TAF4B: variants seen among roughly 807,000 people sequenced by gnomAD.
The protein encoded by TAF4B is transcription initiation factor TFIID subunit 4B.
In TAF4B, 38 loss-of-function variants were observed where a neutral mutation model predicts 86.4. That is an observed-to-expected ratio of 0.44 (90% CI 0.34 to 0.58). The LOEUF is 0.58. Ranked by LOEUF, TAF4B falls within the 20% of genes least tolerant of loss-of-function variation. The probability of loss-of-function intolerance (pLI) is 0.02; values close to 1 mark genes in which losing one functional copy is unlikely to be tolerated. For synonymous variants in TAF4B, 388 were observed against 391.2 expected, an observed-to-expected ratio of 0.99 and a Z score of 0.10; for missense variants, 988 against 1,027.6, an observed-to-expected ratio of 0.96 and a Z score of 0.53.
chr18:26,260,489 T>G (rs2056148514), intron 1 of TAF4B, among the ~76,000 whole-genome samples: 1 of 152,204 alleles, frequency 6.6e-6, no homozygotes, highest in African/African-American at 2.4e-5. Context: ...CAGTTTCAGC[T>G]TTCTACATAT....
intron 1 of TAF4B, among the ~76,000 whole-genome samples, chr18:26,237,418 GA>G (rs1030181155): frequency 6.6e-6 from 1 of 152,136 alleles, no homozygotes; most frequent in Non-Finnish European, 1.5e-5. Context: ...AGGTAGAAGG[GA>G]CATGTATCCA....
chr18:26,302,844 A>G (rs1382033283), intron 9 of TAF4B, among the ~76,000 whole-genome samples: 3 of 151,416 alleles, frequency 2.0e-5, no homozygotes, highest in African/African-American at 7.3e-5. Flanking sequence ...ATATATATGG[A>G]TCTTCTCTTT....
At chr18:26,306,838 C>G (rs1461011273) in intron 9 of TAF4B, among the ~76,000 whole-genome samples, 1 of 143,262 alleles carries the variant, frequency 7.0e-6, no homozygotes, top group Non-Finnish European at 1.5e-5. Context: ...GAGTGCAGTG[C>G]ACGATCTCGG....
At chr18:26,228,114 T>C (rs753963682) in intron 1 of TAF4B, among the ~76,000 whole-genome samples, 6 of 152,246 alleles carry the variant, frequency 3.9e-5, no homozygotes, top group Non-Finnish European at 8.8e-5. Context: ...TTGGGCTGTA[T>C]TTCATGGTTT....
At chr18:26,239,211 GT>G (rs1277092770) in intron 1 of TAF4B, among the ~76,000 whole-genome samples, 1 of 152,204 alleles carries the variant, frequency 6.6e-6, no homozygotes, top group Non-Finnish European at 1.5e-5. Flanking sequence ...CACCAACAGT[GT>G]AAAAGTGTTC....
intron 1 of TAF4B, among the ~76,000 whole-genome samples, chr18:26,261,565 T>G (rs976352029): frequency 6.6e-6 from 1 of 152,228 alleles, no homozygotes; most frequent in African/African-American, 2.4e-5. Context: ...CTGCTTATGC[T>G]GGTATCACAG....
intron 1 of TAF4B, 52 bp downstream of exon 1, chr18:26,227,328 G>A (rs552615078): frequency 3.2e-6 from 5 of 1,554,276 alleles, no homozygotes; most frequent in Non-Finnish European, 4.4e-6. Flanking sequence ...TGGCGGCGAC[G>A]GGAAAATTCG....
intron 9 of TAF4B, among the ~76,000 whole-genome samples, chr18:26,300,411 AT>A (rs1318990174): frequency 6.7e-6 from 1 of 149,840 alleles, no homozygotes; most frequent in Non-Finnish European, 1.5e-5. Flanking sequence ...CAACAAAAAA[AT>A]CCTATCAATT....
chr18:26,250,081 G>A (rs2055982602), intron 1 of TAF4B, among the ~76,000 whole-genome samples: 1 of 152,026 alleles, frequency 6.6e-6, no homozygotes, highest in Non-Finnish European at 1.5e-5. Flanking sequence ...TGTCCCCCAG[G>A]CTGAAGTGGA....
chr18:26,352,618 C>T (rs1330769351), intron 13 of TAF4B, among the ~76,000 whole-genome samples: 4 of 152,130 alleles, frequency 2.6e-5, no homozygotes, highest in Non-Finnish European at 5.9e-5. Context: ...CAACCTCTGC[C>T]TCTTGGACTC....
At chr18:26,232,626 C>G (rs1351427792) in intron 1 of TAF4B, among the ~76,000 whole-genome samples, 1 of 152,130 alleles carries the variant, frequency 6.6e-6, no homozygotes, top group Non-Finnish European at 1.5e-5. Context: ...GAAGCCTTTT[C>G]CTATAAACAC....
intron 6 of TAF4B, among the ~76,000 whole-genome samples, chr18:26,284,544 T>C (rs1355242259): frequency 6.6e-6 from 1 of 152,212 alleles, no homozygotes; most frequent in Admixed American, 6.5e-5. Flanking sequence ...GAACTGCCTT[T>C]ACTCTTTAAG....
At chr18:26,310,865 AT>A (rs1328790294) in intron 9 of TAF4B, among the ~76,000 whole-genome samples, 3 of 151,450 alleles carry the variant, frequency 2.0e-5, no homozygotes, top group Non-Finnish European at 4.4e-5. Flanking sequence ...AGTATACTTT[AT>A]TGATGGTACA....
intron 13 of TAF4B, among the ~76,000 whole-genome samples, chr18:26,354,080 ATGTT>A (rs1412034291): frequency 6.6e-6 from 1 of 152,056 alleles, no homozygotes; most frequent in Non-Finnish European, 1.5e-5. Context: ...ACAACATTTG[ATGTT>A]TGTTTGTTTG....
intron 13 of TAF4B, among the ~76,000 whole-genome samples, chr18:26,354,678 C>T (rs1231472003): frequency 6.6e-6 from 1 of 152,168 alleles, no homozygotes; most frequent in Non-Finnish European, 1.5e-5. Context: ...CAACTGCATT[C>T]CTTTCTAACC....
chr18:26,351,075 C>A (rs2057241371), intron 13 of TAF4B, among the ~76,000 whole-genome samples: 1 of 152,132 alleles, frequency 6.6e-6, no homozygotes, highest in South Asian at 2.1e-4. Flanking sequence ...TTCATTTCAG[C>A]ACTATACATG....
chr18:26,231,338 GC>G (rs2055665507), intron 1 of TAF4B, among the ~76,000 whole-genome samples: 1 of 117,054 alleles, frequency 8.5e-6, no homozygotes, highest in Non-Finnish European at 1.7e-5. Context: ...CCACCCAGCT[GC>G]TTGGGGTTTT....
At chr18:26,247,989 G>A (rs990104937) in intron 1 of TAF4B, among the ~76,000 whole-genome samples, 2 of 130,280 alleles carry the variant, frequency 1.5e-5, no homozygotes, top group Non-Finnish European at 3.2e-5. Flanking sequence ...GTTCTCCTAC[G>A]TCAAACCTAC....
intron 2 of TAF4B, chr18:26,266,980 A>G (rs1280618003): frequency 6.6e-6 from 1 of 152,220 alleles, no homozygotes; most frequent in African/African-American, 2.4e-5. Flanking sequence ...GCTCATTGTA[A>G]TGACAGATTG....
Sources: allele counts gnomAD v4.1 joint callset (sites outside exome capture counted in the v4.1 genomes callset), GRCh38; gene constraint gnomAD v4.1.1; transcripts MANE v1.5; gene names NCBI Gene and HGNC (gene_info 2026-07-23, HGNC 2026-07-21).